Variants in FAT3 observed in about 807,000 individuals in gnomAD.
FAT3 encodes FAT atypical cadherin 3, also known as protocadherin Fat 3.
In FAT3, 95 loss-of-function variants were observed where a neutral mutation model predicts 310.2. The ratio of observed to expected loss-of-function variants is 0.31; its 90% confidence interval spans 0.26 to 0.36. FAT3 has a LOEUF of 0.36. Among genes scored for constraint, FAT3 ranks in the 10% least tolerant of loss-of-function variants. FAT3 has a pLI of 1.00. For synonymous variants in FAT3, 2,314 were observed against 2,192.9 expected (o/e 1.06, Z -1.54); for missense variants, 5,408 against 5,715.6 (o/e 0.95, Z 1.74).
chr11:92,284,270 G>A (rs1341885797), intron 1 of FAT3, among the ~76,000 whole-genome samples: 3 of 151,920 alleles, frequency 2.0e-5, no homozygotes, highest in Non-Finnish European at 4.4e-5. Flanking sequence ...GTGTAAAAGG[G>A]TAACGCCTCC....
At chr11:92,578,692 G>A (rs1238253338) in intron 3 of FAT3, among the ~76,000 whole-genome samples, 9 of 152,050 alleles carry the variant, frequency 5.9e-5, no homozygotes, top group Non-Finnish European at 7.4e-5. Context: ...TGAATCACCT[G>A]AATCATATAA....
At chr11:92,417,821 CA>C (rs1434182674) in intron 2 of FAT3, among the ~76,000 whole-genome samples, 1 of 152,216 alleles carries the variant, frequency 6.6e-6, no homozygotes, top group Non-Finnish European at 1.5e-5. Context: ...TGATTATTAA[CA>C]CAGAACCATT....
At position 92,354,047 on chromosome 11, in the gene FAT3, A is replaced by C; in HGVS notation, c.1935A>C (p.Lys645Asn). 6.2e-7 allele frequency: 1 copy of C among 1,613,544 alleles called. No homozygotes were observed. Among genetic ancestry groups the C allele is most frequent in the African/African-American group, 1.3e-5 (1 of 75,040 alleles). Residue 645 changes from lysine to asparagine, a missense_variant, in exon 2 of 28, where the codon AAA becomes AAC. By Grantham distance (94) the Lys-to-Asn change is moderately conservative. This residue lies in a region of FAT3 where 4,588 missense variants were observed against 4,809.8 expected (regional missense o/e 0.95). Transcript: ENST00000525166. Reference protein sequence around the residue: ...LKKSLTNSGIKNGNFALRITA... With the variant: ...LKKSLTNSGINNGNFALRITA... Reference sequence around the variant, plus strand: ...AATCACTGACAAATTCTGGCATTAAAAATGGCAATTTTGCCCTCAGAATTA... The same window carrying C: ...AATCACTGACAAATTCTGGCATTAACAATGGCAATTTTGCCCTCAGAATTA...
At chr11:92,852,189 A>G (rs1948848781) in intron 19 of FAT3, among the ~76,000 whole-genome samples, 1 of 152,202 alleles carries the variant, frequency 6.6e-6, no homozygotes, top group South Asian at 2.1e-4. Context: ...AACAATATAT[A>G]TTTCATAAAG....
intron 3 of FAT3, among the ~76,000 whole-genome samples, chr11:92,595,918 AG>A (rs1362874428): frequency 6.6e-6 from 1 of 152,182 alleles, no homozygotes; most frequent in East Asian, 1.9e-4. Context: ...TGGGACAGAA[AG>A]GGTAATTGAC....
chr11:92,299,962 C>T (rs182435863), intron 1 of FAT3, among the ~76,000 whole-genome samples: 9 of 152,228 alleles, frequency 5.9e-5, no homozygotes, highest in African/African-American at 2.2e-4. Context: ...TGACATTAAC[C>T]TTTCTTTTTC....
chr11:92,348,260 G>GTGATAA (rs1378849714), intron 1 of FAT3, among the ~76,000 whole-genome samples: 1 of 151,998 alleles, frequency 6.6e-6, no homozygotes, highest in Non-Finnish European at 1.5e-5. Flanking sequence ...ATTTCAGTAT[G>GTGATAA]TGATAATACT....
At chr11:92,227,856 G>T (rs1307181089) in intron 1 of FAT3, among the ~76,000 whole-genome samples, 3 of 150,060 alleles carry the variant, frequency 2.0e-5, no homozygotes, top group Non-Finnish European at 4.4e-5. Context: ...CAAAAAAAAA[G>T]CATAATAACT....
intron 3 of FAT3, among the ~76,000 whole-genome samples, chr11:92,653,722 C>A (rs988435808): frequency 3.9e-5 from 6 of 152,186 alleles, no homozygotes; most frequent in African/African-American, 1.4e-4. Context: ...ATTCTTCCTA[C>A]TGTGATCCTA....
intron 3 of FAT3, among the ~76,000 whole-genome samples, chr11:92,612,319 A>G (rs142733250): frequency 6.6e-6 from 1 of 152,246 alleles, no homozygotes; most frequent in South Asian, 2.1e-4. Flanking sequence ...CCCATGCCCA[A>G]TAATGAGAAT....
intron 2 of FAT3, among the ~76,000 whole-genome samples, chr11:92,463,613 A>T (rs944058860): frequency 2.0e-5 from 3 of 152,156 alleles, no homozygotes; most frequent in African/African-American, 7.2e-5. Flanking sequence ...ATCAGAATTG[A>T]CTTGGGGAGT....
chr11:92,412,701 T>A (rs1390445601), intron 2 of FAT3, among the ~76,000 whole-genome samples: 1 of 22,242 alleles, frequency 4.5e-5, no homozygotes, highest in Non-Finnish European at 1.6e-4. Context: ...ATGATGGTGG[T>A]GATATATATA....
chr11:92,478,968 T>TTTCTTTCTTTC (rs71064711), intron 2 of FAT3, among the ~76,000 whole-genome samples: 1 of 70,030 alleles, frequency 1.4e-5, no homozygotes, highest in Non-Finnish European at 2.9e-5. Flanking sequence ...TTTTCTTTTC[T>TTTCTTTCTTTC]TTTCTTTTCT....
intron 3 of FAT3, among the ~76,000 whole-genome samples, chr11:92,616,522 A>G (rs762140921): frequency 3.3e-5 from 5 of 152,074 alleles, no homozygotes; most frequent in Non-Finnish European, 7.4e-5. Context: ...CATCATTATG[A>G]TGTTAGCTGG....
chr11:92,436,087 T>A (rs983629153), intron 2 of FAT3, among the ~76,000 whole-genome samples: 1 of 152,098 alleles, frequency 6.6e-6, no homozygotes, highest in African/African-American at 2.4e-5. Context: ...ATTCTCTCTT[T>A]AGGTTGTTTT....
At chr11:92,874,289 C>T (rs997124589) in intron 22 of FAT3, among the ~76,000 whole-genome samples, 1 of 152,130 alleles carries the variant, frequency 6.6e-6, no homozygotes, top group Non-Finnish European at 1.5e-5. Context: ...TATGGTAATG[C>T]TTGGGAAGAG....
chr11:92,268,290 G>A (rs1946024466), intron 1 of FAT3, among the ~76,000 whole-genome samples: 1 of 152,006 alleles, frequency 6.6e-6, no homozygotes, highest in African/African-American at 2.4e-5. Flanking sequence ...CCTTTGTACT[G>A]CCAATGCCCA....
chr11:92,568,392 A>G (rs199915593), intron 3 of FAT3, among the ~76,000 whole-genome samples: 2 of 148,482 alleles, frequency 1.3e-5, no homozygotes, highest in East Asian at 4.0e-4. Flanking sequence ...GAGATAGTGG[A>G]AGTAGACTAG....
At chr11:92,450,948 C>G (rs1036265549) in intron 2 of FAT3, among the ~76,000 whole-genome samples, 3 of 152,170 alleles carry the variant, frequency 2.0e-5, no homozygotes, top group Non-Finnish European at 4.4e-5. Flanking sequence ...GAATCCTGAT[C>G]TTTACTGGTC....
Sources: allele counts gnomAD v4.1 joint callset (sites outside exome capture counted in the v4.1 genomes callset), GRCh38; gene constraint gnomAD v4.1.1; regional missense constraint gnomAD v4.1.1; transcripts MANE v1.5; gene names NCBI Gene and HGNC (gene_info 2026-07-23, HGNC 2026-07-21).